The following SGCZ variants were observed in gnomAD, a reference collection of about 807,000 sequenced individuals.
SGCZ encodes sarcoglycan zeta.
In SGCZ, 40 loss-of-function variants were observed where a neutral mutation model predicts 41.3. The observed-to-expected ratio is 0.97, with a 90% confidence interval of 0.75 to 1.26. SGCZ has a LOEUF of 1.26. Ranked by LOEUF, SGCZ falls within the 50% of genes most tolerant of loss-of-function variation. SGCZ has a pLI of 0.00. For synonymous variants in SGCZ, 206 were observed against 137.5 expected (o/e 1.50, Z -3.49); for missense variants, 552 against 369.8 (o/e 1.49, Z -4.04).
intron 1 of SGCZ, among the ~76,000 whole-genome samples, chr8:15,164,029 G>A (rs748169369): frequency 1.2e-4 from 18 of 152,232 alleles, no homozygotes; most frequent in Non-Finnish European, 2.2e-4. Context: ...AAGCGCTCTA[G>A]CAGGGACTCT....
intron 1 of SGCZ, among the ~76,000 whole-genome samples, chr8:14,835,429 C>T (rs7830186): frequency 0.16 from 23,898 of 152,166 alleles, 3,786 homozygotes; most frequent in African/African-American, 0.41. Flanking sequence ...CCAATCTACA[C>T]GACAGTTCTC....
At chr8:14,237,781 G>C (rs1435339272) in intron 3 of SGCZ, 102 bp from the exon 4 acceptor site, 4 of 1,079,406 alleles carry the variant, frequency 3.7e-6, no homozygotes, top group East Asian at 2.6e-5. Flanking sequence ...AATTTAATTT[G>C]TTTGCTCTAT....
intron 1 of SGCZ, among the ~76,000 whole-genome samples, chr8:14,742,489 T>C (rs1328828856): frequency 6.6e-6 from 1 of 152,046 alleles, no homozygotes; most frequent in Non-Finnish European, 1.5e-5. Context: ...CAAAGACAAT[T>C]TGGAGAAATC....
intron 1 of SGCZ, among the ~76,000 whole-genome samples, chr8:14,760,783 T>C (rs1401013855): frequency 2.0e-5 from 3 of 152,232 alleles, no homozygotes; most frequent in African/African-American, 7.2e-5. Context: ...AATGTTGCAA[T>C]ATCTGGGCCC....
chr8:14,837,525 T>C (rs945154061), intron 1 of SGCZ, among the ~76,000 whole-genome samples: 2 of 152,164 alleles, frequency 1.3e-5, no homozygotes, highest in East Asian at 1.9e-4. Flanking sequence ...GGTGTGTCCA[T>C]GTGGCAAGTT....
chr8:14,892,480 C>A (rs768284386), intron 1 of SGCZ, among the ~76,000 whole-genome samples: 1 of 152,148 alleles, frequency 6.6e-6, no homozygotes, highest in African/African-American at 2.4e-5. Flanking sequence ...TTCTAGCAAG[C>A]AGGAAAAATT....
intron 1 of SGCZ, among the ~76,000 whole-genome samples, chr8:14,904,579 T>C (rs1799069891): frequency 6.6e-6 from 1 of 152,020 alleles, no homozygotes. Context: ...TGTAAAATGG[T>C]ATTCATATCC....
chr8:14,622,997 A>C (rs547452432), intron 1 of SGCZ, among the ~76,000 whole-genome samples: 7 of 152,320 alleles, frequency 4.6e-5, no homozygotes, highest in African/African-American at 1.7e-4. Context: ...ACATGTCTGT[A>C]GTGAAAAGGT....
rs189605581 is a variant in SGCZ at position 14,288,325 on chromosome 8, A to G, written c.336+35778T>C. On this transcript the variant is annotated intron_variant, in intron 3 of 7. Coordinates refer to ENST00000382080, the MANE Select transcript of SGCZ (RefSeq NM_139167.4). Reference sequence around the variant, plus strand: ...AGAATAATTTTAAAGTGTACAATTAAGTGGCAGGTAGTACATCAACGATGT... The same window carrying G: ...AGAATAATTTTAAAGTGTACAATTAGGTGGCAGGTAGTACATCAACGATGT... 6.2e-3 allele frequency among the ~76,000 whole-genome samples: 946 copies of G among 152,234 alleles called. 15 individuals carry two copies. Among genetic ancestry groups the G allele is most frequent in the African/African-American group, 0.022 (908 of 41,546 alleles).
intron 1 of SGCZ, among the ~76,000 whole-genome samples, chr8:15,236,059 A>C (rs1295603015): frequency 2.6e-5 from 4 of 152,126 alleles, no homozygotes; most frequent in Non-Finnish European, 5.9e-5. Flanking sequence ...AAAAACACAG[A>C]AACTTGTTGG....
intron 1 of SGCZ, among the ~76,000 whole-genome samples, chr8:15,089,383 CT>C (rs1347485756): frequency 6.6e-6 from 1 of 152,004 alleles, no homozygotes; most frequent in Non-Finnish European, 1.5e-5. Flanking sequence ...CTAAATACTT[CT>C]TGAATTTAAG....
chr8:15,036,128 G>C (rs1363855190), intron 1 of SGCZ, among the ~76,000 whole-genome samples: 1 of 151,888 alleles, frequency 6.6e-6, no homozygotes, highest in Non-Finnish European at 1.5e-5. Flanking sequence ...TATAAATAAA[G>C]TTAGAAATGA....
chr8:14,348,096 G>A (rs1199138947), intron 2 of SGCZ, among the ~76,000 whole-genome samples: 1 of 151,876 alleles, frequency 6.6e-6, no homozygotes. Context: ...CCCAACCCAA[G>A]GATTACTTCA....
At chr8:14,964,723 G>C (rs1046708429) in intron 1 of SGCZ, among the ~76,000 whole-genome samples, 2 of 152,256 alleles carry the variant, frequency 1.3e-5, no homozygotes, top group East Asian at 1.9e-4. Context: ...GGGAAAAGCA[G>C]CTCCTTGCAG....
chr8:15,238,101 G>T lies in SGCZ; in HGVS notation c.-478C>A, dbSNP rs1392254073. On this transcript the variant is annotated 5_prime_UTR_variant, in exon 1 of 8. Coordinates refer to ENST00000382080, the MANE Select transcript of SGCZ (RefSeq NM_139167.4). The stretch of plus-strand genomic sequence containing the variant: ...GGCTTCCTCCGTCAGGCTTACTCTG[G>T]TAGGTAATTTAGCTCCAGTCCCAGG... The T allele has an allele frequency of 6.5e-6, 1 of 153,596 alleles. No individual in the cohort carries two copies. Among genetic ancestry groups the T allele is most frequent in the Non-Finnish European group, 1.4e-5 (1 of 69,108 alleles). The allele number at this position is 153,596 out of a possible 1,614,324, so 9.5% of individuals were successfully genotyped here. A position where few individuals can be genotyped will look rare whatever the true frequency, so the allele number is the denominator to read the frequency against.
chr8:14,338,195 G>A (rs191221348), intron 2 of SGCZ, among the ~76,000 whole-genome samples: 2 of 152,226 alleles, frequency 1.3e-5, no homozygotes, highest in Non-Finnish European at 2.9e-5. Flanking sequence ...AAGTGCAGTC[G>A]TCTTAGCCTG....
chr8:14,846,566 C>T (rs1371683731), intron 1 of SGCZ, among the ~76,000 whole-genome samples: 1 of 151,960 alleles, frequency 6.6e-6, no homozygotes, highest in Non-Finnish European at 1.5e-5. Flanking sequence ...ATATGTTTGA[C>T]AATCTAGACC....
At chr8:14,830,447 T>C (rs1369761076) in intron 1 of SGCZ, among the ~76,000 whole-genome samples, 1 of 152,212 alleles carries the variant, frequency 6.6e-6, no homozygotes, top group Non-Finnish European at 1.5e-5. Flanking sequence ...AATCATTCTT[T>C]ATTCTTCCTC....
intron 1 of SGCZ, among the ~76,000 whole-genome samples, chr8:14,697,810 A>C (rs1480642348): frequency 6.6e-6 from 1 of 151,998 alleles, no homozygotes; most frequent in East Asian, 1.9e-4. Context: ...TGAACACAAC[A>C]GTCCAGCAAT....
Sources: allele counts gnomAD v4.1 joint callset (sites outside exome capture counted in the v4.1 genomes callset), GRCh38; gene constraint gnomAD v4.1.1; transcripts MANE v1.5; gene names NCBI Gene and HGNC (gene_info 2026-07-23, HGNC 2026-07-21).